RYR2: variants seen among roughly 807,000 people sequenced by gnomAD.
The protein encoded by RYR2 is cardiac muscle ryanodine receptor-calcium release channel.
In RYR2, 227 loss-of-function variants were observed where a neutral mutation model predicts 601.1. The observed-to-expected ratio is 0.38, with a 90% CI of 0.34 to 0.42. RYR2 has a LOEUF of 0.42. Among genes scored for constraint, RYR2 ranks in the 10% least tolerant of loss-of-function variants. The pLI is 1.00. For synonymous variants in RYR2, 2,223 were observed against 2,175.1 expected, an observed-to-expected ratio of 1.02 and a Z score of -0.61; for missense variants, 4,646 against 6,156.5, an observed-to-expected ratio of 0.75 and a Z score of 8.21.
At chr1:237,046,699 A>G (rs1660648989) in intron 1 of RYR2, among the ~76,000 whole-genome samples, 1 of 152,210 alleles carries the variant, frequency 6.6e-6, no homozygotes, top group Non-Finnish European at 1.5e-5. Flanking sequence ...AAGTGTTTTT[A>G]TCACGGCTGA....
chr1:237,132,810 A>C (rs183576706), intron 1 of RYR2, among the ~76,000 whole-genome samples: 1 of 152,322 alleles, frequency 6.6e-6, no homozygotes, highest in African/African-American at 2.4e-5. Context: ...GAGAGTAAGG[A>C]TTGGGAAAAT....
At chr1:237,728,389 T>C (rs1008047153) in intron 76 of RYR2, among the ~76,000 whole-genome samples, 5 of 152,206 alleles carry the variant, frequency 3.3e-5, no homozygotes, top group African/African-American at 9.6e-5. Flanking sequence ...AACCTTAATA[T>C]CTAGAACCAG....
chr1:237,686,717 A>G (rs1686425491), intron 62 of RYR2, among the ~76,000 whole-genome samples: 1 of 152,156 alleles, frequency 6.6e-6, no homozygotes. Context: ...GTGGGCAGCC[A>G]TTATTTGGAA....
Position 237,493,090 on chromosome 1 carries a change from A to T in RYR2, c.1961+3A>T. The stretch of plus-strand genomic sequence containing the variant: ...CGTCTTGTGAACCATGTCAGCAGGT[A>T]AATTCAGACAGACAATGTCACCTGA... On this transcript the variant is annotated splice_donor_region_variant and intron_variant, in intron 19 of 104. Coordinates refer to ENST00000366574, the MANE Select transcript of RYR2 (RefSeq NM_001035.3). 6.2e-7 allele frequency: 1 copy of T among 1,613,578 alleles called. No homozygotes were observed. The highest frequency in any genetic ancestry group is 8.5e-7 in the Non-Finnish European group (1 of 1,179,754).
At chr1:237,399,637 G>T (rs55737020) in intron 10 of RYR2, among the ~76,000 whole-genome samples, 6,307 of 152,268 alleles carry the variant, frequency 0.041, 209 homozygotes, top group Non-Finnish European at 0.068. Flanking sequence ...AGGAGACCAG[G>T]GGGTTTTTAT....
intron 1 of RYR2, among the ~76,000 whole-genome samples, chr1:237,096,978 G>A (rs942609265): frequency 3.3e-5 from 5 of 152,174 alleles, no homozygotes; most frequent in South Asian, 2.1e-4. Flanking sequence ...CTGTGCAGTC[G>A]CCCATGTGAT....
At chr1:237,711,332 T>C (rs1263060272) in intron 70 of RYR2, among the ~76,000 whole-genome samples, 2 of 152,208 alleles carry the variant, frequency 1.3e-5, no homozygotes, top group African/African-American at 2.4e-5. Flanking sequence ...AATAATGATA[T>C]GGTATTTTAA....
At chr1:237,127,472 C>A (rs372709272) in intron 1 of RYR2, among the ~76,000 whole-genome samples, 1 of 151,122 alleles carries the variant, frequency 6.6e-6, no homozygotes, top group Non-Finnish European at 1.5e-5. Flanking sequence ...GGCTGACCCC[C>A]CCACCTCCTT....
At chr1:237,221,846 C>G (rs1683830734) in intron 1 of RYR2, among the ~76,000 whole-genome samples, 1 of 152,048 alleles carries the variant, frequency 6.6e-6, no homozygotes, top group Non-Finnish European at 1.5e-5. Context: ...CAGCCTGGCC[C>G]TAGGGAAGGC....
At chr1:237,518,734 T>C (rs1325204518) in intron 24 of RYR2, among the ~76,000 whole-genome samples, 1 of 152,228 alleles carries the variant, frequency 6.6e-6, no homozygotes, top group African/African-American at 2.4e-5. Context: ...AGTGCAGATG[T>C]CTTTTTGATA....
At chr1:237,316,727 T>C (rs1220987711) in intron 2 of RYR2, among the ~76,000 whole-genome samples, 1 of 152,212 alleles carries the variant, frequency 6.6e-6, no homozygotes, top group East Asian at 1.9e-4. Context: ...TCACATTTCA[T>C]TTTTTCCCTA....
chr1:237,529,324 T>A (rs1272410022), intron 24 of RYR2, among the ~76,000 whole-genome samples: 2 of 152,176 alleles, frequency 1.3e-5, no homozygotes, highest in Non-Finnish European at 2.9e-5. Flanking sequence ...GCTAGAAAGA[T>A]AATTTCATGG....
intron 92 of RYR2, 59 bp from the exon 93 acceptor site, chr1:237,791,370 G>T: frequency 1.2e-6 from 1 of 834,124 alleles, no homozygotes; most frequent in East Asian, 2.6e-5. Flanking sequence ...TATTTAAATT[G>T]ACTGCAGGTT....
chr1:237,421,625 C>A (rs4593814), intron 11 of RYR2, among the ~76,000 whole-genome samples: 26,325 of 152,090 alleles, frequency 0.17, 2,472 homozygotes, highest in East Asian at 0.27. Flanking sequence ...TAGCTTTGAA[C>A]CAAGTACTCT....
chr1:237,071,582 C>T lies in RYR2; in HGVS notation c.48+29013C>T, dbSNP rs191970300. ...AAGTGCGTGCTGATGGGTCCACGGT[C>T]GGCCATGGCAGGCCTGGAAAAAACA... On this transcript the variant is annotated intron_variant, in intron 1 of 104. Coordinates refer to ENST00000366574, the MANE Select transcript of RYR2 (RefSeq NM_001035.3). Among the ~76,000 whole-genome samples, 426 of 152,192 alleles carry T rather than the reference C, an allele frequency of 2.8e-3. 2 individuals are homozygous for T. Among genetic ancestry groups the T allele is most frequent in the African/African-American group, 9.7e-3 (401 of 41,526 alleles).
Position 237,530,349 on chromosome 1 carries a change from A to C in RYR2, c.2823-78A>C, listed in dbSNP as rs368408319. Reference sequence around the variant, plus strand: ...AATTGTGCTTTCAAGGTTGTATCTCATTGCTACTGCTGCTGTCTTGGGTTA... The same window carrying C: ...AATTGTGCTTTCAAGGTTGTATCTCCTTGCTACTGCTGCTGTCTTGGGTTA... On this transcript the variant is annotated intron_variant, in intron 24 of 104. Coordinates refer to ENST00000366574, the MANE Select transcript of RYR2 (RefSeq NM_001035.3). 190 of 1,078,770 alleles carry C rather than the reference A, an allele frequency of 1.8e-4. No homozygotes were observed. In the African/African-American group the frequency reaches 2.4e-3, roughly 14 times the overall value. 66.8% of individuals were successfully genotyped at this position (1,078,770 alleles called of 1,614,324 possible).
At chr1:237,690,198 A>C (rs972803036) in intron 63 of RYR2, among the ~76,000 whole-genome samples, 11 of 152,182 alleles carry the variant, frequency 7.2e-5, no homozygotes, top group Admixed American at 6.5e-4. Flanking sequence ...TAGTATTTAA[A>C]TGTCACATAT....
intron 25 of RYR2, among the ~76,000 whole-genome samples, chr1:237,536,403 C>T (rs1572764192): frequency 6.6e-6 from 1 of 151,642 alleles, no homozygotes. Flanking sequence ...AACCCCGTCT[C>T]TACTAAAAAA....
chr1:237,047,427 C>A (rs1660732415), intron 1 of RYR2, among the ~76,000 whole-genome samples: 1 of 144,542 alleles, frequency 6.9e-6, no homozygotes, highest in Non-Finnish European at 1.5e-5. Context: ...CCACTTACTC[C>A]TTCTGGTTTA....
Sources: gnomAD v4.1 joint callset for allele counts (sites outside exome capture counted in the v4.1 genomes callset) on GRCh38, gnomAD v4.1.1 for gene constraint, MANE v1.5 for transcripts, NCBI Gene and HGNC (gene_info 2026-07-23, HGNC 2026-07-21) for gene names.